The following PVT1 variants were observed in gnomAD, a reference collection of about 807,000 sequenced individuals.
PVT1 encodes CXCR4/PVT1 fusion.
chr8:127,861,305 T>C (rs1815225584), intron 2 of PVT1, among the ~76,000 whole-genome samples: 1 of 152,168 alleles, frequency 6.6e-6, no homozygotes, highest in African/African-American at 2.4e-5. Context: ...TGACTAGGAC[T>C]TTGGACAAAA....
At chr8:128,090,967 G>T (rs1295234979) in intron 5 of PVT1, among the ~76,000 whole-genome samples, 6 of 152,146 alleles carry the variant, frequency 3.9e-5, no homozygotes, top group Admixed American at 2.6e-4. Flanking sequence ...TAAATAGCTT[G>T]ATGATCCCAG....
intron 6 of PVT1, chr8:128,099,831 A>G (rs546966628): frequency 3.5e-4 from 53 of 151,526 alleles, no homozygotes; most frequent in Admixed American, 1.0e-3. Flanking sequence ...ATCTTGCCTT[A>G]TAATTCAATA....
chr8:127,946,319 G>A (rs980942572), intron 3 of PVT1, among the ~76,000 whole-genome samples: 2 of 152,196 alleles, frequency 1.3e-5, no homozygotes, highest in Non-Finnish European at 2.9e-5. Context: ...TGCCCTTGTG[G>A]GCTGTATAGT....
intron 5 of PVT1, among the ~76,000 whole-genome samples, chr8:128,073,078 C>T (rs1814018042): frequency 6.6e-6 from 1 of 152,048 alleles, no homozygotes; most frequent in South Asian, 2.1e-4. Context: ...GAGTGATCTG[C>T]CCTTCTCGGC....
intron 4 of PVT1, among the ~76,000 whole-genome samples, chr8:128,016,161 T>A (rs1817371790): frequency 6.6e-6 from 1 of 152,004 alleles, no homozygotes; most frequent in South Asian, 2.1e-4. Flanking sequence ...GCCTGTGGTC[T>A]CAGCTACTTA....
chr8:127,816,784 GT>G (rs1302547292), intron 2 of PVT1, among the ~76,000 whole-genome samples: 1 of 152,098 alleles, frequency 6.6e-6, no homozygotes, highest in Non-Finnish European at 1.5e-5. Flanking sequence ...TCGGCCTCCC[GT>G]TTGTATTCTT....
chr8:127,853,927 C>T (rs1285125468), intron 2 of PVT1, among the ~76,000 whole-genome samples: 3 of 152,182 alleles, frequency 2.0e-5, no homozygotes, highest in African/African-American at 7.2e-5. Flanking sequence ...CCTTTACCCC[C>T]GCCCCCATCC....
At chr8:128,070,797 T>C (rs886950913) in intron 5 of PVT1, among the ~76,000 whole-genome samples, 4 of 152,196 alleles carry the variant, frequency 2.6e-5, no homozygotes, top group Admixed American at 2.0e-4. Flanking sequence ...CATGGCTGTT[T>C]CAAGCCAGGG....
Position 127,921,854 on chromosome 8 carries a change from G to GTTTTTTTTTTTTTTTTTT in PVT1, n.782+30863_782+30880dup, listed in dbSNP as rs71300279. 3.6e-4 allele frequency among the ~76,000 whole-genome samples: 26 copies of GTTTTTTTTTTTTTTTTTT among 71,924 alleles called. 2 individuals carry two copies. The East Asian group carries it at 6.1e-3, about 17-fold the overall frequency. 47.2% of individuals were successfully genotyped at this position (71,924 alleles called of 152,430 possible). A position where few individuals can be genotyped will look rare whatever the true frequency, so the allele number is the denominator to read the frequency against. On this transcript the variant is annotated intron_variant and non_coding_transcript_variant, in intron 3 of 10. Coordinates refer to ENST00000651587, the Ensembl canonical transcript of PVT1. ...AAAAAAATTATAATTTTTGGTTCAT[G>GTTTTTTTTTTTTTTTTTT]TTTTTTTTTTTTTTTTTTTTTTTTG...
chr8:127,844,964 C>T lies in PVT1; in HGVS notation n.373-45625C>T, dbSNP rs112748497. Among the ~76,000 whole-genome samples, 70 of 152,252 alleles carry T rather than the reference C, an allele frequency of 4.6e-4. 2 individuals carry two copies. Among genetic ancestry groups the T allele is most frequent in the African/African-American group, 1.4e-3 (60 of 41,548 alleles). On this transcript the variant is annotated intron_variant and non_coding_transcript_variant, in intron 2 of 10. Transcript: ENST00000651587. ...TCCTGACCTCGTGATCCACCTGCCT[C>T]GGCCTCCCAAAGTGCTGGGATTACA...
intron 3 of PVT1, among the ~76,000 whole-genome samples, chr8:127,957,196 C>G (rs1425655542): frequency 6.6e-6 from 1 of 152,180 alleles, no homozygotes; most frequent in Admixed American, 6.5e-5. Flanking sequence ...CCACACTCTG[C>G]TCCCGAGCAC....
intron 3 of PVT1, among the ~76,000 whole-genome samples, chr8:127,891,899 A>G (rs934425888): frequency 1.3e-5 from 2 of 152,182 alleles, no homozygotes; most frequent in Non-Finnish European, 2.9e-5. Context: ...GTTGGCCACA[A>G]AGGCCTGTTG....
rs553716853 is a variant in PVT1 at position 127,970,594 on chromosome 8, C to T, written n.783-18568C>T. ...GATTACAGGCATGAGCAACCACGCC[C>T]AGCCGACTTGTTTTTTTACTAGCCG... On this transcript the variant is annotated intron_variant and non_coding_transcript_variant, in intron 3 of 10. Transcript: ENST00000651587. Among the ~76,000 whole-genome samples, 8 of 152,192 alleles carry T rather than the reference C, an allele frequency of 5.3e-5. No individual in the cohort carries two copies. In the South Asian group the frequency reaches 6.2e-4, roughly 12 times the overall value.
chr8:127,994,247 G>A (rs940822423), intron 4 of PVT1, among the ~76,000 whole-genome samples: 1 of 152,084 alleles, frequency 6.6e-6, no homozygotes, highest in Non-Finnish European at 1.5e-5. Flanking sequence ...CTTGTGGGAC[G>A]GGTTCTGCTG....
At chr8:127,976,303 G>A (rs1178286869) in intron 3 of PVT1, among the ~76,000 whole-genome samples, 1 of 152,168 alleles carries the variant, frequency 6.6e-6, no homozygotes, top group African/African-American at 2.4e-5. Flanking sequence ...TGCCAGGTGA[G>A]TTTAGATGAG....
At chr8:127,884,742 A>G (rs901033140) in intron 2 of PVT1, among the ~76,000 whole-genome samples, 11 of 152,234 alleles carry the variant, frequency 7.2e-5, no homozygotes, top group Admixed American at 5.9e-4. Context: ...CTGAGAAAGC[A>G]TTATGATTTC....
intron 3 of PVT1, chr8:127,983,901 T>C (rs1485349067): frequency 6.9e-6 from 1 of 144,890 alleles, no homozygotes; most frequent in Non-Finnish European, 1.5e-5. Context: ...TTTTTTGATA[T>C]AGAGTCTCAC....
intron 3 of PVT1, among the ~76,000 whole-genome samples, chr8:127,945,338 C>G (rs991895763): frequency 5.3e-5 from 8 of 152,172 alleles, no homozygotes; most frequent in Non-Finnish European, 1.2e-4. Flanking sequence ...GGAACATTTT[C>G]TGTTTCATAA....
chr8:127,848,204 G>C (rs1299292750), intron 2 of PVT1, among the ~76,000 whole-genome samples: 1 of 152,180 alleles, frequency 6.6e-6, no homozygotes, highest in Non-Finnish European at 1.5e-5. Flanking sequence ...CACATGTCAA[G>C]GTTATGTTCT....
Sources: gnomAD v4.1 joint callset for allele counts (sites outside exome capture counted in the v4.1 genomes callset) on GRCh38, gnomAD v4.1.1 for gene constraint, MANE v1.5 for transcripts, NCBI Gene and HGNC (gene_info 2026-07-23, HGNC 2026-07-21) for gene names.